DENND4A: variants seen among roughly 807,000 people sequenced by gnomAD.
The protein encoded by DENND4A is DENN domain containing 4A, also known as C-myc promoter-binding protein.
Under a neutral mutation model 199.3 loss-of-function variants are expected in DENND4A, and 70 were observed. The observed-to-expected ratio is 0.35, with a 90% confidence interval of 0.29 to 0.43. The LOEUF (loss-of-function observed/expected upper bound fraction) is 0.43. Among genes scored for constraint, DENND4A ranks in the 20% least tolerant of loss-of-function variants. DENND4A has a pLI of 1.00. For missense variants in DENND4A, 1,723 were observed against 2,255.8 expected, an observed-to-expected ratio of 0.76 and a Z score of 4.78; for synonymous variants, 686 against 766.9, an observed-to-expected ratio of 0.89 and a Z score of 1.74.
chr15:65,782,134 A>G (rs1161617456), intron 1 of DENND4A, among the ~76,000 whole-genome samples: 1 of 152,186 alleles, frequency 6.6e-6, no homozygotes, highest in Non-Finnish European at 1.5e-5. Flanking sequence ...TGAATACTAA[A>G]CAATGTACTA....
At chr15:65,755,087 G>A (rs1273749981) in intron 3 of DENND4A, among the ~76,000 whole-genome samples, 1 of 152,260 alleles carries the variant, frequency 6.6e-6, no homozygotes, top group African/African-American at 2.4e-5. Context: ...ATAAAGTACC[G>A]ACACATACTA....
At chr15:65,684,533 T>C (rs891420012) in intron 23 of DENND4A, among the ~76,000 whole-genome samples, 4 of 152,224 alleles carry the variant, frequency 2.6e-5, no homozygotes, top group African/African-American at 9.7e-5. Flanking sequence ...AAATATCTAT[T>C]TAGATCTATT....
intron 1 of DENND4A, among the ~76,000 whole-genome samples, chr15:65,782,844 T>C: frequency 6.6e-6 from 1 of 152,140 alleles, no homozygotes; most frequent in South Asian, 2.1e-4. Context: ...TATCAATATG[T>C]ACCACTAAAA....
chr15:65,680,666 C>T (rs1394765424), intron 23 of DENND4A: 1 of 152,042 alleles, frequency 6.6e-6, no homozygotes, highest in African/African-American at 2.4e-5. Flanking sequence ...TTATTTAGTG[C>T]CTTCAATGAA....
chr15:65,770,058 G>C (rs1005009821), intron 1 of DENND4A, among the ~76,000 whole-genome samples: 1 of 151,956 alleles, frequency 6.6e-6, no homozygotes, highest in South Asian at 2.1e-4. Context: ...TTTAAAGGAG[G>C]ACTTGCTTTA....
At chr15:65,702,838 TA>T (rs762780547) in intron 16 of DENND4A, 34 bp downstream of exon 16, 28 of 1,578,514 alleles carry the variant, frequency 1.8e-5, no homozygotes, top group Non-Finnish European at 2.4e-5. Context: ...TTTCTTGTTC[TA>T]AAATTTGATT....
At chr15:65,724,698 A>G (rs993843376) in intron 11 of DENND4A, among the ~76,000 whole-genome samples, 6 of 152,352 alleles carry the variant, frequency 3.9e-5, no homozygotes, top group African/African-American at 1.4e-4. Flanking sequence ...AAGATAGGGC[A>G]AAGTCAAACT....
intron 15 of DENND4A, among the ~76,000 whole-genome samples, chr15:65,703,235 G>A (rs1177681455): frequency 6.6e-6 from 1 of 152,124 alleles, no homozygotes; most frequent in Non-Finnish European, 1.5e-5. Context: ...GTTAGTTTTT[G>A]AGGAAAAGGG....
intron 13 of DENND4A, among the ~76,000 whole-genome samples, chr15:65,716,449 T>A: frequency 7.4e-6 from 1 of 134,496 alleles, no homozygotes; most frequent in African/African-American, 2.8e-5. Flanking sequence ...CCTGTGTCCA[T>A]GTGTTCTCAT....
At chr15:65,695,369 A>T (rs2077110364) in intron 22 of DENND4A, among the ~76,000 whole-genome samples, 1 of 152,192 alleles carries the variant, frequency 6.6e-6, no homozygotes, top group Admixed American at 6.5e-5. Context: ...TGATGTTTGA[A>T]TTTCATAAAA....
intron 1 of DENND4A, chr15:65,771,143 C>T (rs1365009180): frequency 5.7e-5 from 89 of 1,548,638 alleles, no homozygotes; most frequent in Non-Finnish European, 7.1e-5. Context: ...ATAAAGAGTA[C>T]GCTAAAAGGT....
At chr15:65,667,389 T>C in intron 29 of DENND4A, 60 bp downstream of exon 29, 1 of 1,519,514 alleles carries the variant, frequency 6.6e-7, no homozygotes, top group Non-Finnish European at 9.0e-7. Flanking sequence ...TCATTAGGAA[T>C]ATGCAAACAT....
intron 1 of DENND4A, among the ~76,000 whole-genome samples, chr15:65,774,012 C>T (rs559539252): frequency 6.6e-6 from 1 of 152,224 alleles, no homozygotes; most frequent in Non-Finnish European, 1.5e-5. Context: ...ACTGCCTACA[C>T]TGGTTTTGCT....
chr15:65,742,414 G>T (rs1359734225), intron 4 of DENND4A, among the ~76,000 whole-genome samples: 1 of 151,484 alleles, frequency 6.6e-6, no homozygotes, highest in Non-Finnish European at 1.5e-5. Context: ...CTCCCAAGTA[G>T]CTGGGATTAC....
chr15:65,744,122 A>G (rs1047595645), intron 4 of DENND4A, among the ~76,000 whole-genome samples: 5 of 152,176 alleles, frequency 3.3e-5, no homozygotes, highest in Admixed American at 3.3e-4. Flanking sequence ...AACAGTGGGA[A>G]TGATGAAAAG....
Position 65,690,450 on chromosome 15 carries a change from A to G in DENND4A, c.4144T>C (p.Tyr1382His). 6.2e-7 allele frequency: 1 copy of G among 1,600,984 alleles called. No homozygotes were observed. Among genetic ancestry groups the G allele is most frequent in the Non-Finnish European group, 8.5e-7 (1 of 1,173,420 alleles). ...GTGGTGTACATGGTGAATCTTGAAT[A>G]CCATTTGCTTGCTTTCTCTGCAACT... ...KGVAEKASKW[Y>H]SRFTMYTTSS... The change falls in exon 23 of 33, where the codon TAT (tyrosine) becomes CAT (histidine). Residue 1382 changes from tyrosine to histidine, a missense_variant. Tyr to His is a moderately conservative substitution (Grantham distance 83, BLOSUM62 2). Transcript: ENST00000443035.
At chr15:65,744,911 T>A (rs62014404) in intron 4 of DENND4A, among the ~76,000 whole-genome samples, 52 of 152,200 alleles carry the variant, frequency 3.4e-4, no homozygotes, top group Non-Finnish European at 6.6e-4. Flanking sequence ...AGGTAACGAC[T>A]AAAACTTTGG....
chr15:65,731,388 T>TACAC (rs532310844), intron 9 of DENND4A: 5 of 501,284 alleles, frequency 1.0e-5, no homozygotes, highest in Admixed American at 9.2e-5. Context: ...CATACATAAA[T>TACAC]ACACACACAC....
chr15:65,790,625 G>A (rs929226389), intron 1 of DENND4A, among the ~76,000 whole-genome samples: 2 of 152,096 alleles, frequency 1.3e-5, no homozygotes, highest in Admixed American at 6.5e-5. Flanking sequence ...GGTTCAAAGG[G>A]AAATCGTGAA....
Sources: allele counts gnomAD v4.1 joint callset (sites outside exome capture counted in the v4.1 genomes callset), GRCh38; gene constraint gnomAD v4.1.1; transcripts MANE v1.5; gene names NCBI Gene and HGNC (gene_info 2026-07-23, HGNC 2026-07-21).